MEF2A: variants seen among roughly 807,000 people sequenced by gnomAD.
MEF2A encodes myocyte enhancer factor 2A.
Under a neutral mutation model 55.8 loss-of-function variants are expected in MEF2A, and 28 were observed. That is an observed-to-expected ratio of 0.50 (90% CI 0.37 to 0.69). MEF2A has a LOEUF of 0.69. Among genes scored for constraint, MEF2A ranks in the 30% least tolerant of loss-of-function variants. The pLI is 0.00. For synonymous variants in MEF2A, 239 were observed against 227.1 expected, an observed-to-expected ratio of 1.05 and a Z score of -0.47; for missense variants, 528 against 626.2, an observed-to-expected ratio of 0.84 and a Z score of 1.67.
intron 2 of MEF2A, among the ~76,000 whole-genome samples, chr15:99,629,829 A>G (rs2042656617): frequency 6.6e-6 from 1 of 152,064 alleles, no homozygotes; most frequent in Admixed American, 6.5e-5. Context: ...AGCCCCAGCT[A>G]CTTGGGAGGC....
chr15:99,609,982 C>T (rs1405535223), intron 2 of MEF2A, among the ~76,000 whole-genome samples: 1 of 152,112 alleles, frequency 6.6e-6, no homozygotes, highest in Admixed American at 6.5e-5. Context: ...AAGTAGACAG[C>T]CACTTGGGTT....
intron 3 of MEF2A, among the ~76,000 whole-genome samples, chr15:99,642,018 G>GT (rs769108402): frequency 1.3e-5 from 2 of 152,060 alleles, no homozygotes; most frequent in African/African-American, 2.4e-5. Context: ...ATGCTTGTTG[G>GT]TTTTTTTGCC....
At chr15:99,684,041 T>G (rs2053751735) in intron 7 of MEF2A, among the ~76,000 whole-genome samples, 1 of 152,228 alleles carries the variant, frequency 6.6e-6, no homozygotes, top group African/African-American at 2.4e-5. Context: ...CATTATTTTG[T>G]TCCCTTTTAT....
chr15:99,586,155 GGACATA>G (rs1255937430), intron 1 of MEF2A, among the ~76,000 whole-genome samples: 1 of 152,104 alleles, frequency 6.6e-6, no homozygotes, highest in East Asian at 1.9e-4. Context: ...GCCTTTGTAT[GGACATA>G]TGCTTTCATT....
chr15:99,665,422 A>G (rs1027944223), intron 4 of MEF2A, among the ~76,000 whole-genome samples: 1 of 152,178 alleles, frequency 6.6e-6, no homozygotes, highest in African/African-American at 2.4e-5. Flanking sequence ...CTTACACCTT[A>G]TACAAAAATT....
intron 8 of MEF2A, among the ~76,000 whole-genome samples, chr15:99,694,156 T>C (rs930396076): frequency 2.6e-5 from 4 of 152,322 alleles, no homozygotes; most frequent in Admixed American, 2.0e-4. Context: ...TCTAAGACTT[T>C]CCTTGCTTTA....
chr15:99,667,113 G>A (rs910483859), intron 4 of MEF2A, among the ~76,000 whole-genome samples: 6 of 152,104 alleles, frequency 3.9e-5, no homozygotes, highest in East Asian at 1.9e-4. Context: ...AAGTTCTATC[G>A]AGGGTTACTA....
intron 8 of MEF2A, among the ~76,000 whole-genome samples, chr15:99,690,928 G>A (rs561881091): frequency 3.9e-5 from 6 of 152,222 alleles, no homozygotes; most frequent in African/African-American, 1.4e-4. Flanking sequence ...TGCAGATGGA[G>A]TATATTTCAG....
intron 4 of MEF2A, among the ~76,000 whole-genome samples, chr15:99,660,553 G>A (rs2048453044): frequency 6.6e-6 from 1 of 152,270 alleles, no homozygotes; most frequent in East Asian, 1.9e-4. Context: ...GAACCATAAG[G>A]TAAATGTCTT....
chr15:99,704,740 C>T (rs1049738026), intron 9 of MEF2A, among the ~76,000 whole-genome samples: 2 of 152,196 alleles, frequency 1.3e-5, no homozygotes, highest in Non-Finnish European at 2.9e-5. Flanking sequence ...TGTATTCTTT[C>T]ACCTAGTGAT....
intron 3 of MEF2A, among the ~76,000 whole-genome samples, chr15:99,644,039 T>G (rs994056511): frequency 6.6e-6 from 1 of 152,248 alleles, no homozygotes; most frequent in Non-Finnish European, 1.5e-5. Flanking sequence ...AATGAATATT[T>G]AAAGAACCTT....
intron 8 of MEF2A, among the ~76,000 whole-genome samples, chr15:99,700,474 T>C (rs1239359452): frequency 1.3e-5 from 2 of 151,726 alleles, no homozygotes; most frequent in African/African-American, 4.8e-5. Flanking sequence ...ATTGTACCAC[T>C]GCACTCCAGC....
At chr15:99,569,008 TAATAAGTGTA>T (rs2152691955) in intron 1 of MEF2A, among the ~76,000 whole-genome samples, 1 of 152,316 alleles carries the variant, frequency 6.6e-6, no homozygotes, top group Admixed American at 6.5e-5. Context: ...AATGTTTAAA[TAATAAGTGTA>T]AATATGGAAA....
chr15:99,567,627 C>CTGTGTGTGTGTGTGTG (rs370539645), intron 1 of MEF2A, among the ~76,000 whole-genome samples: 25 of 143,870 alleles, frequency 1.7e-4, no homozygotes, highest in Non-Finnish European at 2.5e-4. Flanking sequence ...TTTGTATGTA[C>CTGTGTGTGTGTGTGTG]TGTGTGTGTG....
At chr15:99,679,508 A>T (rs1417823021) in intron 7 of MEF2A, among the ~76,000 whole-genome samples, 2 of 152,216 alleles carry the variant, frequency 1.3e-5, no homozygotes, top group Non-Finnish European at 2.9e-5. Context: ...AGGCCAAAAA[A>T]ACTATAGTGT....
intron 1 of MEF2A, among the ~76,000 whole-genome samples, chr15:99,574,260 A>ATC (rs1963533755): frequency 6.6e-6 from 1 of 152,144 alleles, no homozygotes; most frequent in African/African-American, 2.4e-5. Flanking sequence ...AAACTCCTTG[A>ATC]TTACATCTTC....
At chr15:99,640,157 A>G (rs1477020392) in intron 3 of MEF2A, among the ~76,000 whole-genome samples, 1 of 152,130 alleles carries the variant, frequency 6.6e-6, no homozygotes, top group Non-Finnish European at 1.5e-5. Flanking sequence ...ATGCATCTCC[A>G]TATATCTTTC....
chr15:99,594,381 T>C (rs1311629401), intron 1 of MEF2A, among the ~76,000 whole-genome samples: 1 of 151,872 alleles, frequency 6.6e-6, no homozygotes, highest in Non-Finnish European at 1.5e-5. Flanking sequence ...GCTTCCATCC[T>C]CTATCTGGTT....
intron 1 of MEF2A, among the ~76,000 whole-genome samples, chr15:99,580,011 A>AT (rs746110243): frequency 2.7e-4 from 41 of 152,156 alleles, no homozygotes; most frequent in Non-Finnish European, 5.4e-4. Context: ...GAATTTTGAA[A>AT]TTCCTTCCCT....
Sources: gnomAD v4.1 joint callset for allele counts (sites outside exome capture counted in the v4.1 genomes callset) on GRCh38, gnomAD v4.1.1 for gene constraint, MANE v1.5 for transcripts, NCBI Gene and HGNC (gene_info 2026-07-23, HGNC 2026-07-21) for gene names.